GRID1: variants seen among roughly 807,000 people sequenced by gnomAD.
The protein encoded by GRID1 is glutamate receptor ionotropic, delta-1.
In GRID1, 28 loss-of-function variants were observed where a neutral mutation model predicts 98.0. That is an observed-to-expected ratio of 0.29 (90% CI 0.21 to 0.39). The LOEUF (loss-of-function observed/expected upper bound fraction) is 0.39. Among genes scored for constraint, GRID1 ranks in the 10% least tolerant of loss-of-function variants. The pLI, the probability that GRID1 is intolerant of heterozygous loss-of-function variation, is 1.00. For synonymous variants in GRID1, 553 were observed against 538.5 expected (o/e 1.03, Z -0.37); for missense variants, 1,111 against 1,340.5 (o/e 0.83, Z 2.67).
At chr10:86,101,461 C>T (rs560803166) in intron 4 of GRID1, among the ~76,000 whole-genome samples, 19 of 152,196 alleles carry the variant, frequency 1.2e-4, no homozygotes, top group African/African-American at 4.1e-4. Context: ...CTGGAAAACA[C>T]CAATGAGTTT....
At chr10:85,974,587 C>G (rs1457766648) in intron 4 of GRID1, among the ~76,000 whole-genome samples, 1 of 152,176 alleles carries the variant, frequency 6.6e-6, no homozygotes, top group African/African-American at 2.4e-5. Context: ...CCTCATCTGT[C>G]AAGCAAATAA....
chr10:85,735,370 A>C (rs978493090), intron 8 of GRID1, among the ~76,000 whole-genome samples: 3 of 152,202 alleles, frequency 2.0e-5, no homozygotes, highest in African/African-American at 7.2e-5. Flanking sequence ...TTATAGCACA[A>C]TCATCACTTG....
intron 2 of GRID1, among the ~76,000 whole-genome samples, chr10:86,320,038 A>G (rs1198931555): frequency 2.0e-5 from 3 of 152,260 alleles, no homozygotes; most frequent in Admixed American, 6.5e-5. Flanking sequence ...GCCTGGGCCC[A>G]GAGGCCCAAT....
At chr10:85,632,654 G>A (rs905511753) in intron 13 of GRID1, among the ~76,000 whole-genome samples, 6 of 152,074 alleles carry the variant, frequency 3.9e-5, no homozygotes, top group East Asian at 1.9e-4. Flanking sequence ...AGTGGTTCTC[G>A]TGCCTCAGCC....
intron 4 of GRID1, among the ~76,000 whole-genome samples, chr10:85,994,357 G>T (rs12243346): frequency 6.6e-6 from 1 of 152,278 alleles, no homozygotes; most frequent in East Asian, 1.9e-4. Flanking sequence ...AGAGGACAAA[G>T]CTCACCTGGC....
chr10:86,290,636 G>A (rs2132074913), intron 2 of GRID1, among the ~76,000 whole-genome samples: 1 of 148,714 alleles, frequency 6.7e-6, no homozygotes. Context: ...CTGGGCAACA[G>A]AGCAAGACTC....
intron 4 of GRID1, among the ~76,000 whole-genome samples, chr10:86,089,065 GC>G (rs1844105568): frequency 6.6e-6 from 1 of 152,172 alleles, no homozygotes; most frequent in Non-Finnish European, 1.5e-5. Context: ...AAGCCCGAGT[GC>G]AGATCCCAGA....
rs374111685 is a variant in GRID1 at position 86,104,980 on chromosome 10, C to T, written c.726+33839G>A. The stretch of plus-strand genomic sequence containing the variant: ...GGCCTCGTGCCCCCATGTGCCTCCA[C>T]TTGCTGTGGAGATTAATTCACCTGA... On this transcript the variant is annotated intron_variant, in intron 4 of 15. Transcript: ENST00000327946. Among the ~76,000 whole-genome samples the T allele has an allele frequency of 2.6e-4, 40 of 152,372 alleles. No homozygotes were observed. The East Asian group carries it at 7.1e-3, about 27-fold the overall frequency.
intron 5 of GRID1, among the ~76,000 whole-genome samples, chr10:85,894,597 C>G (rs1841257203): frequency 1.3e-5 from 2 of 152,122 alleles, no homozygotes; most frequent in African/African-American, 4.8e-5. Context: ...CCAAGTCGTA[C>G]TTATCAGATT....
chr10:85,776,971 C>G (rs552064405), intron 8 of GRID1, among the ~76,000 whole-genome samples: 14 of 152,344 alleles, frequency 9.2e-5, no homozygotes, highest in African/African-American at 3.4e-4. Flanking sequence ...ATAGCTACAA[C>G]AAACTGTGGT....
chr10:86,195,198 G>T lies in GRID1; in HGVS notation c.520+11166C>A, dbSNP rs1428055857. ...ATGAGAGGGCCACACTGCACAGTCA[G>T]CGACTGTGCTTGACTGAGAAACAGC... On this transcript the variant is annotated intron_variant, in intron 3 of 15. Coordinates refer to ENST00000327946, the MANE Select transcript of GRID1 (RefSeq NM_017551.3). This position sits in a 1 kb window ranked among gnomAD's most constrained non-coding sequence, Gnocchi z 4.4. Among the ~76,000 whole-genome samples, 1 of 152,050 alleles carries T rather than the reference G, an allele frequency of 6.6e-6. No individual in the cohort carries two copies. Among genetic ancestry groups the T allele is most frequent in the Non-Finnish European group, 1.5e-5 (1 of 67,954 alleles).
intron 2 of GRID1, among the ~76,000 whole-genome samples, chr10:86,318,578 C>T (rs1020283826): frequency 6.6e-6 from 1 of 152,218 alleles, no homozygotes; most frequent in African/African-American, 2.4e-5. Flanking sequence ...CAAGAGAACC[C>T]ACACAGGCTA....
chr10:85,748,514 C>A (rs1306945626), intron 8 of GRID1, among the ~76,000 whole-genome samples: 3 of 152,138 alleles, frequency 2.0e-5, no homozygotes, highest in African/African-American at 7.2e-5. Context: ...TAATTATTAT[C>A]TTTGGCAGAA....
chr10:85,866,544 CT>C (rs1303388756), intron 6 of GRID1, among the ~76,000 whole-genome samples: 17 of 151,870 alleles, frequency 1.1e-4, no homozygotes, highest in Non-Finnish European at 2.4e-4. Context: ...CCAATGGGCA[CT>C]TTTTTTAGTG....
chr10:85,986,211 C>A (rs1447187109), intron 4 of GRID1, among the ~76,000 whole-genome samples: 2 of 152,188 alleles, frequency 1.3e-5, no homozygotes, highest in Non-Finnish European at 2.9e-5. Flanking sequence ...GTCAGTCTCC[C>A]ATATTTGAAG....
intron 2 of GRID1, among the ~76,000 whole-genome samples, chr10:86,215,955 G>A (rs371792988): frequency 1.3e-4 from 20 of 152,116 alleles, no homozygotes; most frequent in African/African-American, 3.1e-4. Flanking sequence ...CAACCTTCAC[G>A]TGCCCCATGC....
intron 4 of GRID1, among the ~76,000 whole-genome samples, chr10:85,927,167 C>T (rs1841785584): frequency 6.6e-6 from 1 of 152,222 alleles, no homozygotes; most frequent in South Asian, 2.1e-4. Flanking sequence ...CCCTCTAGAC[C>T]ATGCATGCAC....
chr10:86,040,510 T>TA (rs3057696), intron 4 of GRID1, among the ~76,000 whole-genome samples: 18,042 of 103,078 alleles, frequency 0.18, 1,691 homozygotes, highest in Non-Finnish European at 0.2. Flanking sequence ...ACTCATATCT[T>TA]AAAAAAAAAA....
In GRID1 at chr10:85,727,844, T is replaced by C. The variant is rs1477484813; in HGVS notation, c.1533+11A>G. The C allele has an allele frequency of 6.2e-7, 1 of 1,604,928 alleles. No homozygotes were observed. The highest frequency in any genetic ancestry group is 1.3e-5 in the African/African-American group (1 of 74,728). On this transcript the variant is annotated intron_variant, in intron 10 of 15. Coordinates refer to ENST00000327946, the MANE Select transcript of GRID1 (RefSeq NM_017551.3). The stretch of plus-strand genomic sequence containing the variant: ...GGTGCCCCTCCCCCTGGATCTGCTA[T>C]GGGGACCTACCTTGCTGATGAGCTC...
Sources: gnomAD v4.1 joint callset for allele counts (sites outside exome capture counted in the v4.1 genomes callset) on GRCh38, gnomAD v4.1.1 for gene constraint, Gnocchi (gnomAD v3.1) non-coding constraint, MANE v1.5 for transcripts, NCBI Gene and HGNC (gene_info 2026-07-23, HGNC 2026-07-21) for gene names.